Variants in ZNF43 observed in about 807,000 individuals in gnomAD.
ZNF43 encodes the protein zinc finger protein 43.
ZNF43 carries 44 observed loss-of-function variants against 68.4 expected under a neutral mutation model. The ratio of observed to expected loss-of-function variants is 0.64; its 90% CI spans 0.51 to 0.83. The LOEUF (loss-of-function observed/expected upper bound fraction) is 0.83. Among genes scored for constraint, ZNF43 ranks in the 40% least tolerant of loss-of-function variants. The pLI is 0.00. For synonymous variants in ZNF43, 308 were observed against 307.8 expected (o/e 1.00, Z -0.01); for missense variants, 896 against 933.2 (o/e 0.96, Z 0.52).
intron 2 of ZNF43, among the ~76,000 whole-genome samples, chr19:21,818,889 G>A (rs1051075833): frequency 6.6e-6 from 1 of 152,030 alleles, no homozygotes; most frequent in African/African-American, 2.4e-5. Flanking sequence ...TGGAGTGAAA[G>A]ATCAGCTCAG....
chr19:21,828,902 G>A (rs1342884195), intron 1 of ZNF43, among the ~76,000 whole-genome samples: 4 of 150,558 alleles, frequency 2.7e-5, no homozygotes, highest in African/African-American at 4.9e-5. Flanking sequence ...GTGCCCTGGC[G>A]GGCGCCTATA....
chr19:21,851,942 G>A (rs1599560654), exon 1 of ZNF43: 1 of 1,568,518 alleles, frequency 6.4e-7, no homozygotes, highest in Non-Finnish European at 8.6e-7. Flanking sequence ...CATCTTAGCT[G>A]TGCGTCTCCC....
chr19:21,848,992 G>A (rs1968146983), intron 1 of ZNF43, among the ~76,000 whole-genome samples: 1 of 152,140 alleles, frequency 6.6e-6, no homozygotes, highest in Admixed American at 6.5e-5. Flanking sequence ...CCTGCGGAAT[G>A]TTCACATATA....
intron 1 of ZNF43, among the ~76,000 whole-genome samples, chr19:21,824,732 TAA>T (rs34739856): frequency 0.21 from 22,689 of 107,018 alleles, 1,797 homozygotes; most frequent in South Asian, 0.37. Flanking sequence ...TATGTTTACC[TAA>T]AAAAAAAAAA....
At position 21,806,491 on chromosome 19, in the gene ZNF43, G is replaced by C. The variant is rs948645588; in HGVS notation, c.*1116C>G. 6.6e-6 allele frequency: 1 copy of C among 152,010 alleles called. No individual in the cohort carries two copies. The highest frequency in any genetic ancestry group is 1.5e-5 in the Non-Finnish European group (1 of 68,004). The allele number at this position is 152,010 out of a possible 1,614,324, so 9.4% of individuals were successfully genotyped here. ...CATCTTACACTTTAATATCCTTACT[G>C]TTCCATAAAAAATGTTTTAAATAAT... On this transcript the variant is annotated 3_prime_UTR_variant, in exon 4 of 4. Coordinates refer to ENST00000354959, the MANE Select transcript of ZNF43 (RefSeq NM_003423.4).
At chr19:21,845,103 CTCT>C (rs1412359105) in intron 1 of ZNF43, among the ~76,000 whole-genome samples, 2 of 150,966 alleles carry the variant, frequency 1.3e-5, no homozygotes, top group African/African-American at 4.9e-5. Context: ...GCCTTAACAT[CTCT>C]TCTTGTAAGA....
intron 3 of ZNF43, among the ~76,000 whole-genome samples, chr19:21,817,281 A>G (rs1599468688): frequency 6.6e-6 from 1 of 152,054 alleles, no homozygotes. Flanking sequence ...TAAACTTTCT[A>G]TCAAAATTCC....
intron 3 of ZNF43, among the ~76,000 whole-genome samples, chr19:21,813,612 ACT>A (rs1019909143): frequency 5.9e-5 from 9 of 152,168 alleles, no homozygotes; most frequent in African/African-American, 1.9e-4. Context: ...AAGTAGTCAC[ACT>A]CATAAAATCA....
chr19:21,843,367 G>A (rs1048684309), intron 1 of ZNF43: 26 of 985,164 alleles, frequency 2.6e-5, no homozygotes, highest in African/African-American at 2.3e-4. Context: ...AGTTCTTCAC[G>A]TGTCTTCATT....
At chr19:21,846,594 T>C (rs946830942) in intron 1 of ZNF43, among the ~76,000 whole-genome samples, 1 of 152,134 alleles carries the variant, frequency 6.6e-6, no homozygotes, top group Non-Finnish European at 1.5e-5. Flanking sequence ...CATGTCACAA[T>C]GTCTTATGTG....
intron 1 of ZNF43, among the ~76,000 whole-genome samples, chr19:21,831,553 G>T (rs2038426274): frequency 6.6e-6 from 1 of 151,958 alleles, no homozygotes; most frequent in Admixed American, 6.6e-5. Flanking sequence ...TAGAGACAGG[G>T]TTTCATCATG....
chr19:21,833,642 AG>A (rs2038535882), intron 1 of ZNF43, among the ~76,000 whole-genome samples: 1 of 151,622 alleles, frequency 6.6e-6, no homozygotes. Flanking sequence ...ACCCAGGATC[AG>A]AAAAAAAAAA....
At chr19:21,844,969 C>T (rs1967851325) in intron 1 of ZNF43, among the ~76,000 whole-genome samples, 3 of 123,828 alleles carry the variant, frequency 2.4e-5, no homozygotes, top group South Asian at 5.1e-4. Flanking sequence ...ACAATTACAC[C>T]TATGGGTAAA....
At chr19:21,819,339 A>C (rs1332959808) in intron 1 of ZNF43, 118 bp from the exon 2 acceptor site, 30 of 1,128,248 alleles carry the variant, frequency 2.7e-5, no homozygotes, top group Non-Finnish European at 3.5e-5. Flanking sequence ...ACTGACTTAT[A>C]GAAGAGACTG....
rs184251811 is a variant in ZNF43 at position 21,820,386 on chromosome 19, T to C, written c.4-1165A>G. Among the ~76,000 whole-genome samples the C allele has an allele frequency of 3.0e-3, 452 of 150,670 alleles. 1 individual carries two copies. Among genetic ancestry groups the C allele is most frequent in the African/African-American group, 0.011 (439 of 40,984 alleles). Reference sequence around the variant, plus strand: ...CGAGATTAGGAGTTCGAGACAAGCCTGGCCAAGATGGTGAAACCCCGTCTG... The same window carrying C: ...CGAGATTAGGAGTTCGAGACAAGCCCGGCCAAGATGGTGAAACCCCGTCTG... On this transcript the variant is annotated intron_variant, in intron 1 of 3. Transcript: ENST00000354959.
chr19:21,841,982 C>A (rs1261546083), intron 1 of ZNF43, among the ~76,000 whole-genome samples: 1 of 152,192 alleles, frequency 6.6e-6, no homozygotes, highest in African/African-American at 2.4e-5. Flanking sequence ...GACTCTCCTG[C>A]ATGGGCCCTG....
intron 3 of ZNF43, among the ~76,000 whole-genome samples, chr19:21,815,354 T>A (rs1311429963): frequency 6.6e-6 from 1 of 151,954 alleles, no homozygotes; most frequent in Non-Finnish European, 1.5e-5. Flanking sequence ...AAGATTGTAA[T>A]GAGAAACTTT....
intron 3 of ZNF43, among the ~76,000 whole-genome samples, chr19:21,810,120 G>A (rs559713902): frequency 6.6e-6 from 1 of 152,276 alleles, no homozygotes; most frequent in African/African-American, 2.4e-5. Flanking sequence ...GCCTTTAGAA[G>A]TAAATTGCCA....
chr19:21,809,550 T>C lies in ZNF43; in HGVS notation c.487A>G (p.Arg163Gly). Residue 163 changes from arginine to glycine, a missense_variant, in exon 4 of 4, where the codon AGA (arginine) becomes GGA (glycine). Transcript: ENST00000354959. ...KAFHKFSNSNRHKISHTEKKL... is the reference protein window; with the variant it reads ...KAFHKFSNSNGHKISHTEKKL... ...TTTTCAGTATGGCTTATCTTATGTC[T>C]GTTTGAATTTGAAAATTTATGAAAG... is the stretch of plus-strand genomic sequence containing the variant. The C allele has an allele frequency of 2.5e-6, 4 of 1,611,424 alleles. No homozygotes were observed. The highest frequency in any genetic ancestry group is 3.4e-6 in the Non-Finnish European group (4 of 1,179,044).
Sources: allele counts gnomAD v4.1 joint callset (sites outside exome capture counted in the v4.1 genomes callset), GRCh38; gene constraint gnomAD v4.1.1; transcripts MANE v1.5; gene names NCBI Gene and HGNC (gene_info 2026-07-23, HGNC 2026-07-21).